The following GRXCR1 variants were observed in gnomAD, a reference collection of about 807,000 sequenced individuals.
GRXCR1 encodes the protein glutaredoxin and cysteine rich domain containing 1.
In GRXCR1, 27 loss-of-function variants were observed where a neutral mutation model predicts 27.3. That is an observed-to-expected ratio of 0.99 (90% CI 0.73 to 1.37). The LOEUF (loss-of-function observed/expected upper bound fraction) is 1.37, where lower values mean the gene tolerates loss of function less well. Ranked by LOEUF, GRXCR1 falls within the 40% of genes most tolerant of loss-of-function variation. The pLI is 0.00. For synonymous variants in GRXCR1, 122 were observed against 131.1 expected (o/e 0.93, Z 0.47); for missense variants, 379 against 354.4 (o/e 1.07, Z -0.56).
chr4:43,017,749 T>C (rs1469131494), intron 2 of GRXCR1, among the ~76,000 whole-genome samples: 2 of 152,206 alleles, frequency 1.3e-5, no homozygotes, highest in African/African-American at 4.8e-5. Context: ...AACTTATGTC[T>C]GACATTCTTA....
intron 2 of GRXCR1, among the ~76,000 whole-genome samples, chr4:42,964,153 G>A (rs1748188032): frequency 6.6e-6 from 1 of 151,998 alleles, no homozygotes; most frequent in Non-Finnish European, 1.5e-5. Flanking sequence ...ATGCTGATTT[G>A]AAGTATTGAT....
At chr4:42,978,469 T>C (rs995327366) in intron 2 of GRXCR1, among the ~76,000 whole-genome samples, 1 of 152,064 alleles carries the variant, frequency 6.6e-6, no homozygotes, top group Admixed American at 6.6e-5. Flanking sequence ...TGTGTTTTCT[T>C]CAATTTCTTT....
chr4:42,922,697 C>T (rs770742877), intron 1 of GRXCR1, among the ~76,000 whole-genome samples: 2 of 152,190 alleles, frequency 1.3e-5, no homozygotes, highest in African/African-American at 4.8e-5. Flanking sequence ...GATCCTGAGG[C>T]CTCCTTGTAA....
At chr4:42,978,060 C>T (rs936871663) in intron 2 of GRXCR1, among the ~76,000 whole-genome samples, 15 of 152,030 alleles carry the variant, frequency 9.9e-5, no homozygotes, top group Admixed American at 4.6e-4. Flanking sequence ...AGAAACTGTG[C>T]TTTCCCCATT....
At chr4:42,980,160 T>G (rs574960759) in intron 2 of GRXCR1, among the ~76,000 whole-genome samples, 1 of 152,160 alleles carries the variant, frequency 6.6e-6, no homozygotes, top group South Asian at 2.1e-4. Context: ...CTCATCTTTG[T>G]TAATTTTCTT....
intron 3 of GRXCR1, among the ~76,000 whole-genome samples, chr4:43,027,980 G>A (rs998929390): frequency 4.6e-5 from 7 of 151,998 alleles, no homozygotes; most frequent in Non-Finnish European, 7.4e-5. Flanking sequence ...GTGGTGACAT[G>A]CACCTGTAAT....
At chr4:42,987,221 A>ATATTATAT (rs1711770202) in intron 2 of GRXCR1, among the ~76,000 whole-genome samples, 1 of 39,934 alleles carries the variant, frequency 2.5e-5, no homozygotes, top group African/African-American at 1.0e-4. Flanking sequence ...TTATATATAT[A>ATATTATAT]TTATATATTA....
At chr4:42,909,168 AT>A (rs1471507886) in intron 1 of GRXCR1, among the ~76,000 whole-genome samples, 1 of 152,320 alleles carries the variant, frequency 6.6e-6, no homozygotes, top group East Asian at 1.9e-4. Flanking sequence ...GGCAACCCTC[AT>A]TCCTTAAGTT....
At chr4:42,910,301 C>T (rs752144474) in intron 1 of GRXCR1, among the ~76,000 whole-genome samples, 13 of 152,112 alleles carry the variant, frequency 8.5e-5, no homozygotes, top group Non-Finnish European at 1.6e-4. Context: ...CATAACACAA[C>T]GTGTATTGAT....
At chr4:43,014,753 A>T (rs1181974644) in intron 2 of GRXCR1, among the ~76,000 whole-genome samples, 1 of 152,196 alleles carries the variant, frequency 6.6e-6, no homozygotes, top group East Asian at 1.9e-4. Context: ...ATTTGAAATC[A>T]TCAATCACTA....
chr4:42,991,603 A>G lies in GRXCR1; in HGVS notation c.627+28469A>G, dbSNP rs73240042. Among the ~76,000 whole-genome samples, 1,359 of 152,228 alleles carry G rather than the reference A, an allele frequency of 8.9e-3. 9 individuals are homozygous for G. Among genetic ancestry groups the G allele is most frequent in the Non-Finnish European group, 0.015 (1,018 of 67,972 alleles). Reference sequence around the variant, plus strand: ...AACTGCCTCTTTCAGTGAAGCAGCCAGGAGTTCTTTGAAACATTGTCTACC... The same window carrying G: ...AACTGCCTCTTTCAGTGAAGCAGCCGGGAGTTCTTTGAAACATTGTCTACC... On this transcript the variant is annotated intron_variant, in intron 2 of 3. Coordinates refer to ENST00000399770, the MANE Select transcript of GRXCR1 (RefSeq NM_001080476.3).
At chr4:42,991,106 C>T (rs947826659) in intron 2 of GRXCR1, among the ~76,000 whole-genome samples, 9 of 152,106 alleles carry the variant, frequency 5.9e-5, no homozygotes, top group Middle Eastern at 3.4e-3. Context: ...GATTCTTCCT[C>T]GTTGTAAATG....
chr4:42,940,963 ATATT>A (rs1747604689), intron 1 of GRXCR1, among the ~76,000 whole-genome samples: 1 of 152,100 alleles, frequency 6.6e-6, no homozygotes, highest in African/African-American at 2.4e-5. Flanking sequence ...TAACATGAAT[ATATT>A]TAATCAATTA....
chr4:42,923,531 G>A (rs928222602), intron 1 of GRXCR1, among the ~76,000 whole-genome samples: 12 of 152,034 alleles, frequency 7.9e-5, no homozygotes, highest in African/African-American at 2.7e-4. Context: ...TTTGTGTACA[G>A]AAATGTTATT....
chr4:42,928,533 A>G (rs1747224559), intron 1 of GRXCR1, among the ~76,000 whole-genome samples: 1 of 151,994 alleles, frequency 6.6e-6, no homozygotes, highest in South Asian at 2.1e-4. Flanking sequence ...TGGGATAGTC[A>G]GGCAGGTGTG....
At chr4:42,931,455 G>A (rs1269674365) in intron 1 of GRXCR1, among the ~76,000 whole-genome samples, 1 of 151,884 alleles carries the variant, frequency 6.6e-6, no homozygotes, top group African/African-American at 2.4e-5. Flanking sequence ...GGGAGAAGAA[G>A]TCTATGGCTG....
chr4:42,940,778 T>C (rs1333028703), intron 1 of GRXCR1, among the ~76,000 whole-genome samples: 1 of 152,094 alleles, frequency 6.6e-6, no homozygotes, highest in Admixed American at 6.6e-5. Flanking sequence ...GTTTTTGCTC[T>C]AGGGCTTATA....
chr4:42,902,842 T>G (rs1746491811), intron 1 of GRXCR1, among the ~76,000 whole-genome samples: 1 of 152,134 alleles, frequency 6.6e-6, no homozygotes, highest in Non-Finnish European at 1.5e-5. Flanking sequence ...GAACTTAAAA[T>G]AAAAGTTGAA....
rs762758381 is a variant in GRXCR1, at chr4:42,932,619, T to TAGAGAGAGAG, written c.385-30236_385-30227dup. ...ATATATATATATATATATATATATA[T>TAGAGAGAGAG]AGAGAGAGAGAGAGAGAGAGAGAGA... On this transcript the variant is annotated intron_variant, in intron 1 of 3. Transcript: ENST00000399770. Among the ~76,000 whole-genome samples the TAGAGAGAGAG allele has an allele frequency of 1.8e-3, 42 of 22,916 alleles. 2 individuals carry two copies. Among genetic ancestry groups the TAGAGAGAGAG allele is most frequent in the East Asian group, 5.2e-3 (3 of 580 alleles). The allele number at this position is 22,916 out of a possible 152,430, so 15.0% of individuals were successfully genotyped here.
Sources: allele counts gnomAD v4.1 joint callset (sites outside exome capture counted in the v4.1 genomes callset), GRCh38; gene constraint gnomAD v4.1.1; transcripts MANE v1.5; gene names NCBI Gene and HGNC (gene_info 2026-07-23, HGNC 2026-07-21).